Variants in R3HDM1 observed in about 807,000 individuals in gnomAD.
R3HDM1 encodes R3H domain-containing protein 1.
R3HDM1 carries 46 observed loss-of-function variants against 141.1 expected under a neutral mutation model. The ratio of observed to expected loss-of-function variants is 0.33; its 90% CI spans 0.26 to 0.42. The LOEUF (loss-of-function observed/expected upper bound fraction) is 0.42, where lower values mean the gene tolerates loss of function less well. Among genes scored for constraint, R3HDM1 ranks in the 10% least tolerant of loss-of-function variants. R3HDM1 has a pLI of 1.00. For missense variants in R3HDM1, 1,184 were observed against 1,368.3 expected (o/e 0.87, Z 2.12); for synonymous variants, 435 against 472.9 (o/e 0.92, Z 1.04).
At chr2:135,695,813 C>T (rs1357436700) in intron 21 of R3HDM1, among the ~76,000 whole-genome samples, 1 of 152,168 alleles carries the variant, frequency 6.6e-6, no homozygotes, top group East Asian at 1.9e-4. Flanking sequence ...TGCCAGCCAC[C>T]TCGCACTGTG....
chr2:135,675,432 T>C lies in R3HDM1; in HGVS notation c.2253T>C (p.Ile751=). The change falls in exon 20 of 27, where the codon ATT becomes ATC. Residue 751 remains isoleucine, a synonymous_variant. Coordinates refer to ENST00000683871, the MANE Select transcript of R3HDM1 (RefSeq NM_001378107.1). Reference sequence around the variant, plus strand: ...TAGTCAGTGGCCAACCCAACAGCATTGGAAATCAGATTCAAGGAGTGGTCA... The same window carrying C: ...TAGTCAGTGGCCAACCCAACAGCATCGGAAATCAGATTCAAGGAGTGGTCA... ...QSLVSGQPNS[I]GNQIQGVVIP... The C allele has an allele frequency of 6.2e-7, 1 of 1,614,002 alleles. No individual in the cohort carries two copies. The highest frequency in any genetic ancestry group is 8.5e-7 in the Non-Finnish European group (1 of 1,179,888).
chr2:135,681,689 G>A (rs1348727922), intron 21 of R3HDM1, among the ~76,000 whole-genome samples: 5 of 152,130 alleles, frequency 3.3e-5, no homozygotes, highest in Admixed American at 6.5e-5. Flanking sequence ...GCCCTCTGAC[G>A]CCAAAAGGTC....
At chr2:135,704,763 AC>A (rs1575143464) in intron 21 of R3HDM1, among the ~76,000 whole-genome samples, 3 of 152,174 alleles carry the variant, frequency 2.0e-5, no homozygotes, top group Admixed American at 2.0e-4. Flanking sequence ...CCAGCCTCTT[AC>A]AGAGTTTTAA....
chr2:135,711,944 G>A (rs1254652202), intron 23 of R3HDM1, among the ~76,000 whole-genome samples: 1 of 129,876 alleles, frequency 7.7e-6, no homozygotes, highest in Non-Finnish European at 1.5e-5. Flanking sequence ...GGGTGACAGA[G>A]CGAGACTCTG....
At chr2:135,571,807 G>T (rs1186773627) in intron 1 of R3HDM1, among the ~76,000 whole-genome samples, 1 of 152,094 alleles carries the variant, frequency 6.6e-6, no homozygotes, top group African/African-American at 2.4e-5. Flanking sequence ...TGTATGTTTT[G>T]TAGAGACGGG....
At chr2:135,607,753 A>G (rs573880981) in intron 3 of R3HDM1, 100 of 740,198 alleles carry the variant, frequency 1.4e-4, no homozygotes, top group Non-Finnish European at 1.5e-4. Flanking sequence ...GTAAGCCACA[A>G]GAACATTCTG....
At chr2:135,550,446 C>T (rs1699617283) in intron 1 of R3HDM1, among the ~76,000 whole-genome samples, 1 of 152,180 alleles carries the variant, frequency 6.6e-6, no homozygotes, top group Non-Finnish European at 1.5e-5. Flanking sequence ...GTTTGTATCA[C>T]TTGTACTTCA....
chr2:135,657,556 G>C (rs1009877546), intron 18 of R3HDM1, among the ~76,000 whole-genome samples: 1 of 152,054 alleles, frequency 6.6e-6, no homozygotes, highest in African/African-American at 2.4e-5. Context: ...GGAGATCTAC[G>C]GTAAACTTGA....
intron 20 of R3HDM1, among the ~76,000 whole-genome samples, chr2:135,676,609 G>A (rs2069216473): frequency 6.6e-6 from 1 of 152,016 alleles, no homozygotes; most frequent in Admixed American, 6.6e-5. Flanking sequence ...TCAAGAGTTC[G>A]AGACCATCCT....
intron 21 of R3HDM1, among the ~76,000 whole-genome samples, chr2:135,690,223 A>G (rs954626627): frequency 2.0e-5 from 3 of 151,834 alleles, no homozygotes; most frequent in African/African-American, 7.3e-5. Context: ...CTAAGCTTCT[A>G]GTTTGACATT....
At chr2:135,723,873 G>A (rs1464788481) in intron 26 of R3HDM1, 64 bp from the exon 27 acceptor site, 1 of 1,322,470 alleles carries the variant, frequency 7.6e-7, no homozygotes, top group African/African-American at 1.5e-5. Context: ...TGGGTCTGCA[G>A]TGCTTTTTTA....
chr2:135,710,532 C>T (rs567909057), intron 23 of R3HDM1, among the ~76,000 whole-genome samples: 23 of 152,058 alleles, frequency 1.5e-4, no homozygotes, highest in African/African-American at 4.1e-4. Flanking sequence ...AGCATGCATC[C>T]CAGCTACTCA....
chr2:135,688,290 A>G (rs1322489888), intron 21 of R3HDM1, among the ~76,000 whole-genome samples: 1 of 152,222 alleles, frequency 6.6e-6, no homozygotes, highest in Non-Finnish European at 1.5e-5. Context: ...CCATCAGTTC[A>G]GTGTTAACGA....
In R3HDM1 at chr2:135,680,312, A is replaced by C. The variant is rs1436383348; in HGVS notation, c.2447A>C (p.Gln816Pro). The C allele has an allele frequency of 3.1e-6, 5 of 1,613,878 alleles. No homozygotes were observed. Among genetic ancestry groups the C allele is most frequent in the African/African-American group, 1.3e-5 (1 of 74,914 alleles). The change falls in exon 21 of 27, where the codon CAA (glutamine) becomes CCA (proline). Residue 816 changes from glutamine to proline, a missense_variant. This residue lies in a region of R3HDM1 where 563 missense variants were observed against 562.0 expected (regional missense o/e 1.00). Transcript: ENST00000683871. ...TATAGTGTCATTCCACCTGGTCAAC[A>C]AAACAATTTAAGGTGAGTATGACTG... ...VYYSVIPPGQ[Q>P]NNLSSSVGYL...
intron 1 of R3HDM1, among the ~76,000 whole-genome samples, chr2:135,538,287 A>G (rs961997644): frequency 3.3e-5 from 5 of 152,230 alleles, no homozygotes; most frequent in Non-Finnish European, 7.3e-5. Context: ...TGGTATACCT[A>G]AGGCACTTAC....
intron 19 of R3HDM1, chr2:135,667,850 G>C: frequency 1.3e-6 from 1 of 791,530 alleles, no homozygotes; most frequent in Non-Finnish European, 1.5e-6. Context: ...GCTTTTGTCT[G>C]AATAATTAGA....
chr2:135,581,215 C>T, intron 1 of R3HDM1: 3 of 985,350 alleles, frequency 3.0e-6, no homozygotes, highest in Non-Finnish European at 3.6e-6. Flanking sequence ...GAGGATGGAG[C>T]CCAGAGATAC....
At chr2:135,581,458 T>C in intron 1 of R3HDM1, 1 of 935,238 alleles carries the variant, frequency 1.1e-6, no homozygotes, top group Non-Finnish European at 1.3e-6. Context: ...CCATTGGTTG[T>C]GGACTGTTGA....
At chr2:135,546,838 A>G (rs1203213085) in intron 1 of R3HDM1, among the ~76,000 whole-genome samples, 5 of 151,952 alleles carry the variant, frequency 3.3e-5, no homozygotes, top group African/African-American at 7.3e-5. Flanking sequence ...TGCCTGGCTA[A>G]TTTTTGTATT....
Sources: allele counts gnomAD v4.1 joint callset (sites outside exome capture counted in the v4.1 genomes callset), GRCh38; gene constraint gnomAD v4.1.1; regional missense constraint gnomAD v4.1.1; transcripts MANE v1.5; gene names NCBI Gene and HGNC (gene_info 2026-07-23, HGNC 2026-07-21).